PDE4D: variants seen among roughly 807,000 people sequenced by gnomAD.
PDE4D encodes phosphodiesterase 4D, also known as 3',5'-cyclic-AMP phosphodiesterase 4D.
A neutral mutation model predicts 87.4 loss-of-function variants in PDE4D; 24 were observed. The ratio of observed to expected loss-of-function variants is 0.27; its 90% CI spans 0.20 to 0.39. The LOEUF (loss-of-function observed/expected upper bound fraction) is 0.39. Among genes scored for constraint, PDE4D ranks in the 10% least tolerant of loss-of-function variants. PDE4D has a pLI of 1.00. For missense variants in PDE4D, 714 were observed against 1,041.0 expected (o/e 0.69, Z 4.32); for synonymous variants, 384 against 383.2 (o/e 1.00, Z -0.02).
chr5:59,204,712 C>T (rs1748354998), intron 2 of PDE4D, among the ~76,000 whole-genome samples: 1 of 152,182 alleles, frequency 6.6e-6, no homozygotes, highest in Admixed American at 6.5e-5. Context: ...AGTGCTCTCA[C>T]TTTGTGTTCT....
intron 1 of PDE4D, among the ~76,000 whole-genome samples, chr5:59,269,933 C>T (rs994631745): frequency 2.0e-5 from 3 of 152,016 alleles, no homozygotes; most frequent in Admixed American, 6.6e-5. Flanking sequence ...TTTTATTTTA[C>T]AGGACAGTAG....
chr5:60,317,303 A>G (rs560249222), intron 1 of PDE4D, among the ~76,000 whole-genome samples: 1 of 152,202 alleles, frequency 6.6e-6, no homozygotes, highest in African/African-American at 2.4e-5. Context: ...CTCTAACGGT[A>G]GTTTGTATTT....
intron 3 of PDE4D, among the ~76,000 whole-genome samples, chr5:59,971,363 A>AAAAT (rs371424891): frequency 5.8e-4 from 84 of 145,978 alleles, no homozygotes; most frequent in African/African-American, 1.5e-3. Context: ...ATAATAATAA[A>AAAAT]AAATAAATAA....
At chr5:59,281,930 G>A (rs190348717) in intron 1 of PDE4D, among the ~76,000 whole-genome samples, 97 of 152,300 alleles carry the variant, frequency 6.4e-4, no homozygotes, top group Non-Finnish European at 2.5e-4. Flanking sequence ...CACACCTTGA[G>A]AAATCAATGT....
intron 1 of PDE4D, among the ~76,000 whole-genome samples, chr5:59,445,545 T>C (rs1344481828): frequency 1.3e-5 from 2 of 152,234 alleles, no homozygotes; most frequent in African/African-American, 2.4e-5. Context: ...AGAAGACTTC[T>C]ACATGACCTT....
intron 1 of PDE4D, among the ~76,000 whole-genome samples, chr5:59,478,329 ATT>A (rs1470843856): frequency 6.6e-6 from 1 of 152,136 alleles, no homozygotes. Flanking sequence ...AATGGTAAGA[ATT>A]TGTATGAGCA....
In PDE4D at chr5:59,069,563, T is replaced by C. The variant is rs552330186; in HGVS notation, c.809-30592A>G. ...TGGGGAAGCCCTCTCCTTCCCTGGG[T>C]GATTCCTGAGCAACCAGGAAAACAG... On this transcript the variant is annotated intron_variant, in intron 5 of 14. Transcript: ENST00000340635. 2.0e-5 allele frequency among the ~76,000 whole-genome samples: 3 copies of C among 150,098 alleles called. No individual in the cohort carries two copies. The South Asian group carries it at 6.5e-4, about 32-fold the overall frequency.
At position 60,475,823 on chromosome 5, in the gene PDE4D, G is replaced by GAAAAA. The variant is rs397792795; in HGVS notation, c.-90+12114_-90+12118dup. ...ACTTCACTTCTCTCATCTGTTAAAT[G>GAAAAA]AAAAAAAAAAAAAAAAAAAGACAAT... On this transcript the variant is annotated intron_variant, in intron 1 of 16. Transcript: ENST00000502484. Among the ~76,000 whole-genome samples, 763 of 95,010 alleles carry GAAAAA rather than the reference G, an allele frequency of 8.0e-3. 25 individuals carry two copies. Among genetic ancestry groups the GAAAAA allele is most frequent in the Middle Eastern group, 0.024 (3 of 124 alleles). 62.3% of individuals were successfully genotyped at this position (95,010 alleles called of 152,430 possible). A position where few individuals can be genotyped will look rare whatever the true frequency, so the allele number is the denominator to read the frequency against.
At chr5:59,838,530 G>A (rs1404167885) in intron 1 of PDE4D, among the ~76,000 whole-genome samples, 2 of 152,018 alleles carry the variant, frequency 1.3e-5, no homozygotes, top group Non-Finnish European at 2.9e-5. Context: ...CATCCTACTA[G>A]GCTAGTTTTG....
At chr5:59,100,203 T>A (rs546700964) in intron 5 of PDE4D, among the ~76,000 whole-genome samples, 11 of 152,220 alleles carry the variant, frequency 7.2e-5, no homozygotes, top group Non-Finnish European at 1.6e-4. Flanking sequence ...CATTTCTACA[T>A]CTTTGGCGGT....
At chr5:59,768,505 G>A in intron 1 of PDE4D, 1 of 1,598,182 alleles carries the variant, frequency 6.3e-7, no homozygotes, top group Non-Finnish European at 8.5e-7. Context: ...TGTCTGCTGA[G>A]CCATTTTCCT....
chr5:59,399,374 C>A (rs1322628807), intron 1 of PDE4D, among the ~76,000 whole-genome samples: 1 of 136,972 alleles, frequency 7.3e-6, no homozygotes, highest in Non-Finnish European at 1.7e-5. Context: ...GTACTGGTAC[C>A]AAAACAGAGA....
intron 2 of PDE4D, among the ~76,000 whole-genome samples, chr5:59,206,906 T>C (rs575725443): frequency 6.6e-6 from 1 of 152,286 alleles, no homozygotes; most frequent in Admixed American, 6.5e-5. Context: ...GTTCAGGCTG[T>C]GCATAGTGGC....
chr5:59,477,860 C>T (rs1199244619), intron 1 of PDE4D, among the ~76,000 whole-genome samples: 1 of 151,980 alleles, frequency 6.6e-6, no homozygotes, highest in Non-Finnish European at 1.5e-5. Context: ...ACTATGCAGC[C>T]ATAAAAAAGA....
intron 1 of PDE4D, among the ~76,000 whole-genome samples, chr5:59,286,481 A>AT (rs984379510): frequency 2.6e-5 from 4 of 152,182 alleles, no homozygotes; most frequent in Non-Finnish European, 4.4e-5. Context: ...TCAATAGGAA[A>AT]TTTTTTAAAA....
At chr5:60,018,169 G>C (rs571627240) in intron 2 of PDE4D, among the ~76,000 whole-genome samples, 62 of 151,890 alleles carry the variant, frequency 4.1e-4, no homozygotes, top group African/African-American at 1.5e-3. Flanking sequence ...AGCTAGAAGA[G>C]ATTGGGGGCC....
At chr5:59,903,942 A>G (rs946783605) in intron 3 of PDE4D, among the ~76,000 whole-genome samples, 3 of 152,152 alleles carry the variant, frequency 2.0e-5, no homozygotes, top group Non-Finnish European at 4.4e-5. Flanking sequence ...CAGAATCCTC[A>G]AAAATTGCAT....
At chr5:60,423,667 T>C (rs1462469254) in intron 1 of PDE4D, among the ~76,000 whole-genome samples, 3 of 151,872 alleles carry the variant, frequency 2.0e-5, no homozygotes, top group Non-Finnish European at 2.9e-5. Flanking sequence ...ATTCAAAAGC[T>C]AGCAGAAGAC....
chr5:59,952,886 C>T (rs1040249989), intron 3 of PDE4D, among the ~76,000 whole-genome samples: 20 of 152,312 alleles, frequency 1.3e-4, no homozygotes, highest in African/African-American at 4.1e-4. Context: ...CATTACATAA[C>T]AAGAGACCAG....
Sources: gnomAD v4.1 joint callset for allele counts (sites outside exome capture counted in the v4.1 genomes callset) on GRCh38, gnomAD v4.1.1 for gene constraint, MANE v1.5 for transcripts, NCBI Gene and HGNC (gene_info 2026-07-23, HGNC 2026-07-21) for gene names.